Variants in SLC14A2 observed in about 807,000 individuals in gnomAD.
SLC14A2 encodes urea transporter 2.
Under a neutral mutation model 104.6 loss-of-function variants are expected in SLC14A2, and 91 were observed. The observed-to-expected ratio is 0.87, with a 90% CI of 0.73 to 1.04. The LOEUF (loss-of-function observed/expected upper bound fraction) is 1.04. Among genes scored for constraint, SLC14A2 ranks in the 50% least tolerant of loss-of-function variants. The pLI, the probability that SLC14A2 is intolerant of heterozygous loss-of-function variation, is 0.00. For synonymous variants in SLC14A2, 476 were observed against 466.4 expected (o/e 1.02, Z -0.27); for missense variants, 1,189 against 1,156.0 (o/e 1.03, Z -0.41).
At chr18:45,236,249 ATATATGTGTATATATACATGTATGTGTG>A (rs1486184428) in intron 1 of SLC14A2, among the ~76,000 whole-genome samples, 562 of 36,722 alleles carry the variant, frequency 0.015, 13 homozygotes, top group East Asian at 0.022. Flanking sequence ...ATATGTGTGT[ATATATGTGTATATATACATGTATGTGTG>A]TATATGTGTA....
chr18:45,586,997 A>G (rs2044575586), intron 2 of SLC14A2, among the ~76,000 whole-genome samples: 1 of 151,824 alleles, frequency 6.6e-6, no homozygotes, highest in South Asian at 2.1e-4. Flanking sequence ...ATTTTAAATT[A>G]TTTTTTTTGA....
rs760907284 is a variant in SLC14A2, at chr18:45,337,234, A to T, written c.-125+124043A>T. 3.2e-4 allele frequency among the ~76,000 whole-genome samples: 48 copies of T among 152,094 alleles called. 1 individual carries two copies. Among genetic ancestry groups the T allele is most frequent in the Non-Finnish European group, 1.5e-5 (1 of 68,020 alleles). ...AAGGAGGGTCAATTTGGTAGAGGAG[A>T]CCAACATGCAAAGAGGCATGAAATT... On this transcript the variant is annotated intron_variant, in intron 1 of 20. Transcript: ENST00000586448.
chr18:45,640,057 G>C (rs1384342092), intron 7 of SLC14A2, among the ~76,000 whole-genome samples, 164 bp downstream of exon 7: 1 of 152,030 alleles, frequency 6.6e-6, no homozygotes, highest in Non-Finnish European at 1.5e-5. Context: ...ACTTTGGGAG[G>C]CCGAGGCACA....
At chr18:45,421,149 G>A (rs943507170) in intron 1 of SLC14A2, among the ~76,000 whole-genome samples, 2 of 151,986 alleles carry the variant, frequency 1.3e-5, no homozygotes, top group African/African-American at 4.8e-5. Context: ...TCTTTAAAGT[G>A]AATCAAGAAC....
chr18:45,185,687 A>G, the SLC14A2 span, among the ~76,000 whole-genome samples: 2 of 152,174 alleles, frequency 1.3e-5, no homozygotes, highest in African/African-American at 2.4e-5. Context: ...TGAAAGAAAA[A>G]AATAAAACTA....
chr18:45,237,603 G>A (rs2084268807), intron 1 of SLC14A2, among the ~76,000 whole-genome samples: 1 of 152,238 alleles, frequency 6.6e-6, no homozygotes, highest in Non-Finnish European at 1.5e-5. Flanking sequence ...TGCTGCCCAA[G>A]CATTGGCTGG....
At chr18:45,552,856 T>A (rs1169580299) in intron 2 of SLC14A2, among the ~76,000 whole-genome samples, 3 of 152,150 alleles carry the variant, frequency 2.0e-5, no homozygotes, top group Non-Finnish European at 2.9e-5. Flanking sequence ...GGACAACAGA[T>A]CAGCCCAGAG....
chr18:45,683,210 G>A lies in SLC14A2; in HGVS notation c.*691G>A, dbSNP rs191643450. 2 of 152,240 alleles carry A rather than the reference G, an allele frequency of 1.3e-5. No homozygotes were observed. The highest frequency in any genetic ancestry group is 1.9e-4 in the East Asian group (1 of 5,198). 9.4% of individuals were successfully genotyped at this position (152,240 alleles called of 1,614,324 possible). ...AATACCAAGAACTGTGCATTAGCCC[G>A]GAAGGCAAGAGGGTTGGTTCTGCCC... On this transcript the variant is annotated 3_prime_UTR_variant, in exon 20 of 20. Coordinates refer to ENST00000255226, the MANE Select transcript of SLC14A2 (RefSeq NM_007163.4).
intron 6 of SLC14A2, among the ~76,000 whole-genome samples, chr18:45,638,492 G>A (rs541665744): frequency 4.4e-4 from 67 of 152,120 alleles, no homozygotes; most frequent in African/African-American, 1.5e-3. Flanking sequence ...CTACAGCAAC[G>A]TCTACAGTAG....
chr18:45,384,074 A>T (rs2085867731), intron 1 of SLC14A2, among the ~76,000 whole-genome samples: 1 of 152,200 alleles, frequency 6.6e-6, no homozygotes, highest in Non-Finnish European at 1.5e-5. Flanking sequence ...TTTAGATGCA[A>T]GACATGCTAG....
intron 1 of SLC14A2, among the ~76,000 whole-genome samples, chr18:45,402,507 A>T (rs574654860): frequency 4.4e-4 from 67 of 152,194 alleles, no homozygotes; most frequent in Non-Finnish European, 8.7e-4. Context: ...GGTTTATTGC[A>T]AGTGGGCCAC....
At chr18:45,249,365 G>T (rs1045016423) in intron 1 of SLC14A2, among the ~76,000 whole-genome samples, 1 of 150,932 alleles carries the variant, frequency 6.6e-6, no homozygotes, top group Non-Finnish European at 1.5e-5. Context: ...TGTGTGTGCT[G>T]AACATGCGTT....
intron 1 of SLC14A2, among the ~76,000 whole-genome samples, chr18:45,259,060 C>T (rs1337353821): frequency 6.6e-6 from 1 of 152,232 alleles, no homozygotes; most frequent in Non-Finnish European, 1.5e-5. Flanking sequence ...AGCTACACTG[C>T]CTTCTAACCC....
chr18:45,606,970 T>A (rs922262621), intron 2 of SLC14A2, among the ~76,000 whole-genome samples: 1 of 152,112 alleles, frequency 6.6e-6, no homozygotes, highest in Non-Finnish European at 1.5e-5. Flanking sequence ...GTATTTCCCA[T>A]CCTCAAGGCT....
intron 2 of SLC14A2, among the ~76,000 whole-genome samples, chr18:45,495,249 C>G (rs2043073315): frequency 6.6e-6 from 1 of 152,164 alleles, no homozygotes; most frequent in Admixed American, 6.5e-5. Flanking sequence ...CCACAAAAAA[C>G]TTGGACATGT....
At chr18:45,196,884 T>C in the SLC14A2 span, among the ~76,000 whole-genome samples, 1 of 152,140 alleles carries the variant, frequency 6.6e-6, no homozygotes, top group South Asian at 2.1e-4. Flanking sequence ...CAAGACAACA[T>C]ATAAACAAGA....
rs376632295 is a variant in SLC14A2, at chr18:45,649,334, C to A, written c.1351+5174C>A. 1.9e-4 allele frequency among the ~76,000 whole-genome samples: 29 copies of A among 152,316 alleles called. No individual in the cohort carries two copies. In the East Asian group the frequency reaches 2.1e-3, roughly 11 times the overall value. On this transcript the variant is annotated intron_variant, in intron 10 of 19. Transcript: ENST00000255226. ...ATAATTTCACTATTCTCCTCCCCAG[C>A]GCCCCAGTACCTAAAATGCTTTTAC...
chr18:45,415,102 A>G (rs764082602), intron 1 of SLC14A2, among the ~76,000 whole-genome samples: 2 of 152,064 alleles, frequency 1.3e-5, no homozygotes, highest in Admixed American at 1.3e-4. Context: ...TTGTGTATAT[A>G]CTTGCTAACC....
chr18:45,306,086 G>A (rs1004629053), intron 1 of SLC14A2, among the ~76,000 whole-genome samples: 2 of 152,100 alleles, frequency 1.3e-5, no homozygotes, highest in South Asian at 2.1e-4. Flanking sequence ...GAACAGCCGC[G>A]TCTTCCTTTC....
Sources: allele counts gnomAD v4.1 joint callset (sites outside exome capture counted in the v4.1 genomes callset), GRCh38; gene constraint gnomAD v4.1.1; transcripts MANE v1.5; gene names NCBI Gene and HGNC (gene_info 2026-07-23, HGNC 2026-07-21).